LRRC4C: variants seen among roughly 807,000 people sequenced by gnomAD.
LRRC4C encodes the protein leucine rich repeat containing 4C.
LRRC4C carries 5 observed loss-of-function variants against 33.6 expected under a neutral mutation model. That is an observed-to-expected ratio of 0.15 (90% confidence interval 0.08 to 0.31). The LOEUF (loss-of-function observed/expected upper bound fraction) is 0.31, where lower values mean the gene tolerates loss of function less well. LRRC4C is among the 10% of genes least tolerant of loss of function. The pLI, the probability that LRRC4C is intolerant of heterozygous loss-of-function variation, is 1.00. For synonymous variants in LRRC4C, 329 were observed against 302.0 expected (o/e 1.09, Z -0.93); for missense variants, 560 against 796.7 (o/e 0.70, Z 3.58).
At chr11:40,935,355 T>A (rs1957824157) in intron 1 of LRRC4C, among the ~76,000 whole-genome samples, 1 of 152,174 alleles carries the variant, frequency 6.6e-6, no homozygotes, top group East Asian at 1.9e-4. Flanking sequence ...ATTGTTTTCA[T>A]CCATGTCTGT....
intron 2 of LRRC4C, among the ~76,000 whole-genome samples, chr11:40,860,573 T>C (rs917652261): frequency 2.0e-5 from 3 of 152,120 alleles, no homozygotes; most frequent in African/African-American, 7.2e-5. Context: ...ATAACTCCAG[T>C]CTCTGACTTT....
chr11:41,109,648 G>A (rs929877047), intron 1 of LRRC4C, among the ~76,000 whole-genome samples: 10 of 152,098 alleles, frequency 6.6e-5, no homozygotes, highest in South Asian at 2.1e-4. Flanking sequence ...AGTGCGTAAC[G>A]GAACTAGAAG....
intron 3 of LRRC4C, among the ~76,000 whole-genome samples, chr11:40,624,231 G>GT (rs763323140): frequency 5.9e-5 from 9 of 152,064 alleles, no homozygotes; most frequent in Non-Finnish European, 1.2e-4. Flanking sequence ...TATAAGATAT[G>GT]TTTTTTGACC....
intron 5 of LRRC4C, among the ~76,000 whole-genome samples, chr11:40,146,819 T>C (rs1477422026): frequency 6.6e-6 from 1 of 152,162 alleles, no homozygotes; most frequent in African/African-American, 2.4e-5. Context: ...AATGACACCA[T>C]GAGGGATGGA....
Position 40,283,791 on chromosome 11 carries a change from G to A in LRRC4C, c.-176+35837C>T, listed in dbSNP as rs921334655. On this transcript the variant is annotated intron_variant, in intron 4 of 6. Transcript: ENST00000528697. ...GTGATTTCGGCTCACCACAACCTCTGCCTCCTGGGTTCAAGAGATTCTCCT... is the reference window on the plus strand; with the variant it reads ...GTGATTTCGGCTCACCACAACCTCTACCTCCTGGGTTCAAGAGATTCTCCT... 2.3e-5 allele frequency among the ~76,000 whole-genome samples: 3 copies of A among 130,302 alleles called. No homozygotes were observed. The East Asian group carries it at 7.4e-4, about 32-fold the overall frequency. 85.5% of individuals were successfully genotyped at this position (130,302 alleles called of 152,430 possible).
intron 3 of LRRC4C, among the ~76,000 whole-genome samples, chr11:40,402,247 C>A (rs1393238626): frequency 6.6e-6 from 1 of 152,086 alleles, no homozygotes; most frequent in African/African-American, 2.4e-5. Flanking sequence ...CCATTGTAAA[C>A]AAAAGTTGGT....
intron 3 of LRRC4C, among the ~76,000 whole-genome samples, chr11:40,393,535 A>C (rs1270858180): frequency 6.6e-6 from 1 of 152,158 alleles, no homozygotes; most frequent in Non-Finnish European, 1.5e-5. Context: ...GAAAATGAAA[A>C]ACCTATGCAA....
chr11:40,931,810 T>G (rs971083392), intron 2 of LRRC4C, among the ~76,000 whole-genome samples: 2 of 152,154 alleles, frequency 1.3e-5, no homozygotes, highest in African/African-American at 4.8e-5. Flanking sequence ...TGAAATGGTT[T>G]GTAGCAGGAT....
intron 2 of LRRC4C, among the ~76,000 whole-genome samples, chr11:40,929,436 G>A (rs1223923086): frequency 6.6e-6 from 1 of 152,006 alleles, no homozygotes; most frequent in Non-Finnish European, 1.5e-5. Flanking sequence ...GCAACTATTG[G>A]CCATATCAGT....
intron 3 of LRRC4C, among the ~76,000 whole-genome samples, chr11:40,412,384 C>T (rs1268982648): frequency 6.6e-6 from 1 of 151,984 alleles, no homozygotes; most frequent in Non-Finnish European, 1.5e-5. Context: ...TTGCTTCTTT[C>T]CTGGTTTTCC....
intron 2 of LRRC4C, among the ~76,000 whole-genome samples, chr11:40,901,300 A>C (rs934834137): frequency 2.6e-5 from 4 of 152,050 alleles, no homozygotes; most frequent in African/African-American, 9.7e-5. Flanking sequence ...ACATATACAA[A>C]TTTAATGGAA....
chr11:40,876,260 G>GTTTGTTTT (rs1954880406), intron 2 of LRRC4C, among the ~76,000 whole-genome samples: 1 of 91,296 alleles, frequency 1.1e-5, no homozygotes, highest in Non-Finnish European at 2.0e-5. Context: ...CTCAGTTAGG[G>GTTTGTTTT]TTTTTTTTTT....
In LRRC4C at chr11:40,841,326, T is replaced by C. The variant is rs186670677; in HGVS notation, c.-407+92309A>G. ...ATAAGACTTTTCTTATGGCTTGTCA[T>C]GGTCAGTGTTATGGACTGAATACGC... On this transcript the variant is annotated intron_variant, in intron 2 of 6. Coordinates refer to ENST00000528697, the MANE Select transcript of LRRC4C (RefSeq NM_001258419.2). Among the ~76,000 whole-genome samples, 22 of 152,282 alleles carry C rather than the reference T, an allele frequency of 1.4e-4. No individual in the cohort carries two copies. The Middle Eastern group carries it at 0.01, about 71-fold the overall frequency.
At chr11:40,980,399 C>G (rs1338916966) in intron 1 of LRRC4C, among the ~76,000 whole-genome samples, 3 of 152,112 alleles carry the variant, frequency 2.0e-5, no homozygotes, top group Non-Finnish European at 4.4e-5. Context: ...TTTCAAATGT[C>G]TAGAACGAAT....
chr11:41,284,055 T>A (rs1293067793), intron 1 of LRRC4C, among the ~76,000 whole-genome samples: 1 of 152,214 alleles, frequency 6.6e-6, no homozygotes, highest in African/African-American at 2.4e-5. Context: ...AAACACTAGA[T>A]AAAATTGTAC....
chr11:41,013,992 G>A (rs896110841), intron 1 of LRRC4C, among the ~76,000 whole-genome samples: 13 of 152,090 alleles, frequency 8.5e-5, no homozygotes, highest in African/African-American at 1.9e-4. Flanking sequence ...CCCCATGACC[G>A]CGTCGCCTTT....
chr11:41,050,875 G>A (rs1235553127), intron 1 of LRRC4C, among the ~76,000 whole-genome samples: 1 of 152,128 alleles, frequency 6.6e-6, no homozygotes, highest in Non-Finnish European at 1.5e-5. Context: ...ATGGATTCTA[G>A]AGGTTTTCAT....
chr11:40,577,110 G>GT (rs1389424681), intron 3 of LRRC4C, among the ~76,000 whole-genome samples: 1 of 152,170 alleles, frequency 6.6e-6, no homozygotes, highest in African/African-American at 2.4e-5. Flanking sequence ...TATACACTGA[G>GT]TTTTTTAAAT....
intron 2 of LRRC4C, among the ~76,000 whole-genome samples, chr11:40,911,418 T>C (rs921259222): frequency 1.3e-5 from 2 of 152,188 alleles, no homozygotes; most frequent in African/African-American, 4.8e-5. Context: ...CCTCTGACGC[T>C]GATACCCAGG....
Sources: gnomAD v4.1 joint callset for allele counts (sites outside exome capture counted in the v4.1 genomes callset) on GRCh38, gnomAD v4.1.1 for gene constraint, MANE v1.5 for transcripts, NCBI Gene and HGNC (gene_info 2026-07-23, HGNC 2026-07-21) for gene names.